Variants in SHISA9 observed in about 807,000 individuals in gnomAD.
The protein encoded by SHISA9 is protein shisa-9.
Under a neutral mutation model 38.0 loss-of-function variants are expected in SHISA9, and 13 were observed. That is an observed-to-expected ratio of 0.34 (90% CI 0.22 to 0.54). The LOEUF (loss-of-function observed/expected upper bound fraction) is 0.54. Among genes scored for constraint, SHISA9 ranks in the 20% least tolerant of loss-of-function variants. The pLI, the probability that SHISA9 is intolerant of heterozygous loss-of-function variation, is 0.91. For missense variants in SHISA9, 538 were observed against 575.8 expected (o/e 0.93, Z 0.67); for synonymous variants, 275 against 242.0 (o/e 1.14, Z -1.27).
In SHISA9 at chr16:13,235,267, T is replaced by A; in HGVS notation, c.1133T>A (p.Leu378His). ...GGCTGGGACCCCAACGAGCAGTCCC[T>A]CCGGCGGCAGGCTTACAGCAACAAG... Reference protein sequence around the residue: ...FKGWDPNEQSLRRQAYSNKGK... With the variant: ...FKGWDPNEQSHRRQAYSNKGK... The change falls in exon 5 of 5, where the codon CTC (leucine) becomes CAC (histidine). Residue 378 changes from leucine to histidine, a missense_variant. Around this residue, in one of 4 missense-constraint regions of SHISA9, gnomAD observed 326 missense variants for 305.9 expected, o/e 1.07. Transcript: ENST00000558583. 6.4e-7 allele frequency: 1 copy of A among 1,551,586 alleles called. No homozygotes were observed. The highest frequency in any genetic ancestry group is 8.7e-7 in the Non-Finnish European group (1 of 1,147,030).
intron 2 of SHISA9, among the ~76,000 whole-genome samples, chr16:13,194,214 T>TA (rs34522096): frequency 3.3e-5 from 5 of 150,580 alleles, no homozygotes; most frequent in South Asian, 2.1e-4. Flanking sequence ...AGGTGGAGAT[T>TA]AAAAAAAAAA....
chr16:13,336,940 C>T, the SHISA9 span, among the ~76,000 whole-genome samples: 3 of 152,210 alleles, frequency 2.0e-5, no homozygotes, highest in Non-Finnish European at 4.4e-5. Flanking sequence ...ATACACAGCT[C>T]TCTCAGAGTT....
intron 1 of SHISA9, among the ~76,000 whole-genome samples, chr16:12,904,971 G>T (rs1008080482): frequency 2.0e-5 from 3 of 152,108 alleles, no homozygotes; most frequent in African/African-American, 7.2e-5. Flanking sequence ...TCCCACCTCA[G>T]CCTCCCAAAG....
chr16:13,021,282 C>T (rs533153330), intron 2 of SHISA9, among the ~76,000 whole-genome samples: 78 of 152,212 alleles, frequency 5.1e-4, no homozygotes, highest in East Asian at 4.6e-3. Flanking sequence ...AGGCCAGGGA[C>T]GCTGCTCAAA....
chr16:12,904,591 C>T (rs991211377), intron 1 of SHISA9, among the ~76,000 whole-genome samples: 2 of 152,234 alleles, frequency 1.3e-5, no homozygotes, highest in South Asian at 2.1e-4. Context: ...TAGGGAGGGT[C>T]GGCCTGGTGG....
the SHISA9 span, among the ~76,000 whole-genome samples, chr16:13,444,700 C>G: frequency 6.6e-6 from 1 of 152,090 alleles, no homozygotes; most frequent in African/African-American, 2.4e-5. Context: ...CCTGGTTAAC[C>G]CTTGTGCATT....
the SHISA9 span, among the ~76,000 whole-genome samples, chr16:13,275,549 T>C: frequency 1.3e-5 from 2 of 152,136 alleles, no homozygotes; most frequent in East Asian, 1.9e-4. Context: ...TGTGTAATTT[T>C]GATTTCAGAA....
chr16:13,186,596 C>T (rs1260683846), intron 2 of SHISA9, among the ~76,000 whole-genome samples: 2 of 152,116 alleles, frequency 1.3e-5, no homozygotes, highest in Non-Finnish European at 2.9e-5. Flanking sequence ...CGTGCCCAGC[C>T]ATCCATCTTA....
intron 2 of SHISA9, among the ~76,000 whole-genome samples, chr16:13,026,268 TTC>T (rs536360330): frequency 7.9e-4 from 121 of 152,314 alleles, no homozygotes; most frequent in African/African-American, 2.7e-3. Flanking sequence ...CCCTTCTACT[TTC>T]TGTTTCTTTG....
At chr16:13,121,832 TACACACACACAC>T (rs55727441) in intron 2 of SHISA9, among the ~76,000 whole-genome samples, 18,365 of 134,828 alleles carry the variant, frequency 0.14, 1,053 homozygotes, top group South Asian at 0.25. Context: ...TATACACACA[TACACACACACAC>T]ACACACACAC....
At chr16:13,505,680 G>C in the SHISA9 span, among the ~76,000 whole-genome samples, 2 of 152,226 alleles carry the variant, frequency 1.3e-5, 1 homozygote, top group Non-Finnish European at 2.9e-5. Context: ...GGGGGACCTG[G>C]AAAGGGCAGA....
intron 2 of SHISA9, among the ~76,000 whole-genome samples, chr16:13,016,457 C>T (rs573754127): frequency 2.6e-5 from 4 of 152,294 alleles, no homozygotes; most frequent in South Asian, 2.1e-4. Context: ...CACAAACATA[C>T]GTCCAAGTGG....
chr16:13,146,156 C>T (rs1356355325), intron 2 of SHISA9, among the ~76,000 whole-genome samples: 1 of 152,208 alleles, frequency 6.6e-6, no homozygotes, highest in Non-Finnish European at 1.5e-5. Context: ...CACCACTGCA[C>T]TCCAGGCTGG....
At chr16:13,103,120 C>T (rs1419374954) in intron 2 of SHISA9, among the ~76,000 whole-genome samples, 1 of 152,172 alleles carries the variant, frequency 6.6e-6, no homozygotes, top group East Asian at 1.9e-4. Context: ...AAAGAGATAA[C>T]AAGACTTATC....
chr16:13,131,176 C>T (rs1319878562), intron 2 of SHISA9, among the ~76,000 whole-genome samples: 1 of 152,120 alleles, frequency 6.6e-6, no homozygotes, highest in Non-Finnish European at 1.5e-5. Context: ...ATGTTCATTG[C>T]TGCACTATTC....
chr16:13,420,342 T>C, the SHISA9 span, among the ~76,000 whole-genome samples: 62 of 142,288 alleles, frequency 4.4e-4, no homozygotes, highest in African/African-American at 1.5e-3. Flanking sequence ...TCAAGTGAAA[T>C]CTAATATTGA....
chr16:13,281,778 C>T, the SHISA9 span, among the ~76,000 whole-genome samples: 1 of 151,272 alleles, frequency 6.6e-6, no homozygotes, highest in Non-Finnish European at 1.5e-5. Context: ...TTTTTGCTTT[C>T]TTTTTCCATT....
chr16:13,411,718 C>T, the SHISA9 span, among the ~76,000 whole-genome samples: 2 of 152,204 alleles, frequency 1.3e-5, no homozygotes, highest in Admixed American at 6.5e-5. Flanking sequence ...TTTAAGGATA[C>T]ACTCTGTAAG....
At chr16:13,420,554 T>TG in the SHISA9 span, among the ~76,000 whole-genome samples, 1 of 151,976 alleles carries the variant, frequency 6.6e-6, no homozygotes, top group Admixed American at 6.6e-5. Flanking sequence ...AAGTGGGGGA[T>TG]GGGGGGTAAG....
Sources: gnomAD v4.1 joint callset for allele counts (sites outside exome capture counted in the v4.1 genomes callset) on GRCh38, gnomAD v4.1.1 for gene constraint, gnomAD v4.1.1 regional missense constraint, MANE v1.5 for transcripts, NCBI Gene and HGNC (gene_info 2026-07-23, HGNC 2026-07-21) for gene names.